The following CELF2 variants were observed in gnomAD, a reference collection of about 807,000 sequenced individuals.
CELF2 encodes CUGBP Elav-like family member 2.
A neutral mutation model predicts 62.6 loss-of-function variants in CELF2; 8 were observed. That is an observed-to-expected ratio of 0.13 (90% confidence interval 0.07 to 0.23). The LOEUF (loss-of-function observed/expected upper bound fraction) is 0.23. Ranked by LOEUF, CELF2 falls within the 10% of genes least tolerant of loss-of-function variation. CELF2 has a pLI of 1.00. For missense variants in CELF2, 333 were observed against 671.0 expected (o/e 0.50, Z 5.56); for synonymous variants, 258 against 250.0 (o/e 1.03, Z -0.30).
intron 2 of CELF2, among the ~76,000 whole-genome samples, chr10:10,950,791 C>T (rs543906631): frequency 2.5e-4 from 38 of 152,352 alleles, no homozygotes; most frequent in Non-Finnish European, 4.7e-4. Context: ...AGAGCAGCAG[C>T]TATCAGCATG....
the CELF2 span, among the ~76,000 whole-genome samples, chr10:10,508,258 G>A: frequency 6.6e-6 from 1 of 152,100 alleles, no homozygotes; most frequent in East Asian, 1.9e-4. Context: ...GTAGTACCAT[G>A]CTGTCTTGCA....
chr10:10,968,418 T>C (rs1047447997), intron 2 of CELF2, among the ~76,000 whole-genome samples: 11 of 152,210 alleles, frequency 7.2e-5, no homozygotes, highest in Admixed American at 5.2e-4. Flanking sequence ...TATATCATGC[T>C]GTATTTTAAA....
intron 3 of CELF2, among the ~76,000 whole-genome samples, chr10:11,226,704 G>A (rs2066746439): frequency 6.6e-6 from 1 of 151,950 alleles, no homozygotes; most frequent in African/African-American, 2.4e-5. Context: ...CCCAAGGTGG[G>A]AAGCCATGTT....
At chr10:11,203,232 A>G (rs12247338) in intron 2 of CELF2, among the ~76,000 whole-genome samples, 3,690 of 152,236 alleles carry the variant, frequency 0.024, 152 homozygotes, top group African/African-American at 0.085. Flanking sequence ...GTGGCTGCTA[A>G]TCAGTGTGTG....
At chr10:10,536,975 T>A in the CELF2 span, among the ~76,000 whole-genome samples, 2 of 152,248 alleles carry the variant, frequency 1.3e-5, no homozygotes, top group African/African-American at 4.8e-5. Flanking sequence ...TTTGAAAGTT[T>A]TGGAAAACAA....
At chr10:10,682,342 T>C in the CELF2 span, among the ~76,000 whole-genome samples, 3 of 152,370 alleles carry the variant, frequency 2.0e-5, no homozygotes, top group East Asian at 1.9e-4. Context: ...TTGTTACCCA[T>C]TGCTTCACCG....
At chr10:11,090,398 G>A (rs1229820377) in intron 1 of CELF2, among the ~76,000 whole-genome samples, 2 of 152,172 alleles carry the variant, frequency 1.3e-5, no homozygotes, top group South Asian at 4.2e-4. Context: ...TCTGAATCTG[G>A]ATATGCTGCT....
At chr10:11,064,693 T>TA (rs2067630492) in intron 1 of CELF2, among the ~76,000 whole-genome samples, 2 of 152,150 alleles carry the variant, frequency 1.3e-5, no homozygotes, top group African/African-American at 4.8e-5. Flanking sequence ...AAATATGATT[T>TA]AAAATCTTGA....
At chr10:10,734,834 G>C in the CELF2 span, among the ~76,000 whole-genome samples, 2 of 152,122 alleles carry the variant, frequency 1.3e-5, no homozygotes, top group Non-Finnish European at 2.9e-5. Flanking sequence ...TGAAAGTCCG[G>C]CATCCTGATA....
chr10:10,598,054 A>G, the CELF2 span, among the ~76,000 whole-genome samples: 2 of 152,204 alleles, frequency 1.3e-5, no homozygotes, highest in South Asian at 2.1e-4. Flanking sequence ...ACCCTTTGGT[A>G]TCTGGGTTAA....
rs973638347 is a variant in CELF2, at chr10:11,098,648, A to T, written c.75-66838A>T. ...CATTTTAGACAAATAATGCATGATAAGTATAAATGTGTCATGAGCACACTG... is the reference window on the plus strand; with the variant it reads ...CATTTTAGACAAATAATGCATGATATGTATAAATGTGTCATGAGCACACTG... On this transcript the variant is annotated intron_variant, in intron 1 of 12. Transcript: ENST00000633077. The surrounding 1 kb of genome is among the most constrained non-coding windows in gnomAD (Gnocchi z 4.0). Among the ~76,000 whole-genome samples the T allele has an allele frequency of 1.4e-4, 22 of 152,342 alleles. No individual in the cohort carries two copies. Among genetic ancestry groups the T allele is most frequent in the African/African-American group, 5.1e-4 (21 of 41,566 alleles).
chr10:10,464,430 T>A, the CELF2 span, among the ~76,000 whole-genome samples: 8 of 152,178 alleles, frequency 5.3e-5, no homozygotes, highest in Non-Finnish European at 1.2e-4. Context: ...TTGTCTTTTT[T>A]TTTATTGTGG....
the CELF2 span, among the ~76,000 whole-genome samples, chr10:10,530,599 T>C: frequency 6.6e-6 from 1 of 152,176 alleles, no homozygotes; most frequent in South Asian, 2.1e-4. Context: ...AATATACACA[T>C]ACAATCCAAG....
chr10:10,911,684 A>G (rs2063825969), intron 1 of CELF2, among the ~76,000 whole-genome samples: 1 of 152,208 alleles, frequency 6.6e-6, no homozygotes, highest in East Asian at 1.9e-4. Context: ...GAAATCCCAA[A>G]AGTGTATGCA....
At chr10:10,696,081 CT>C in the CELF2 span, among the ~76,000 whole-genome samples, 3 of 152,066 alleles carry the variant, frequency 2.0e-5, no homozygotes, top group African/African-American at 7.2e-5. Flanking sequence ...AGGAGAGGTG[CT>C]CTGCTTTTTA....
At chr10:11,283,866 GT>G (rs2089958723) in intron 8 of CELF2, among the ~76,000 whole-genome samples, 2 of 151,844 alleles carry the variant, frequency 1.3e-5, no homozygotes, top group Admixed American at 6.6e-5. Context: ...TGTGTGGTGG[GT>G]GGATGATGGA....
the CELF2 span, among the ~76,000 whole-genome samples, chr10:10,631,220 T>C: frequency 3.9e-5 from 6 of 152,258 alleles, no homozygotes; most frequent in South Asian, 8.3e-4. Context: ...CTTTCCTCAT[T>C]AGAAACAAAG....
chr10:10,745,769 A>G, the CELF2 span, among the ~76,000 whole-genome samples: 1 of 152,306 alleles, frequency 6.6e-6, no homozygotes, highest in Middle Eastern at 3.4e-3. Flanking sequence ...CCCTACCTTT[A>G]AACTTAATGT....
intron 1 of CELF2, among the ~76,000 whole-genome samples, chr10:10,820,231 T>C (rs1316518457): frequency 6.6e-6 from 1 of 152,180 alleles, no homozygotes; most frequent in Non-Finnish European, 1.5e-5. Flanking sequence ...CAGTTTCGGG[T>C]ACGTCTTTAT....
Sources: gnomAD v4.1 joint callset for allele counts (sites outside exome capture counted in the v4.1 genomes callset) on GRCh38, gnomAD v4.1.1 for gene constraint, Gnocchi (gnomAD v3.1) non-coding constraint, MANE v1.5 for transcripts, NCBI Gene and HGNC (gene_info 2026-07-23, HGNC 2026-07-21) for gene names.